ZFHX3: variants seen among roughly 807,000 people sequenced by gnomAD.
ZFHX3 encodes the protein zinc finger homeobox protein 3.
A neutral mutation model predicts 279.1 loss-of-function variants in ZFHX3; 42 were observed. The ratio of observed to expected loss-of-function variants is 0.15; its 90% CI spans 0.12 to 0.19. The LOEUF is 0.19. ZFHX3 is among the 10% of genes least tolerant of loss of function. The probability of loss-of-function intolerance (pLI) is 1.00; values close to 1 mark genes in which losing one functional copy is unlikely to be tolerated. For missense variants in ZFHX3, 4,981 were observed against 4,754.0 expected (o/e 1.05, Z -1.40); for synonymous variants, 2,293 against 1,957.8 (o/e 1.17, Z -4.52).
intron 1 of ZFHX3, among the ~76,000 whole-genome samples, chr16:73,009,192 C>A (rs1963824608): frequency 6.6e-6 from 1 of 152,070 alleles, no homozygotes; most frequent in South Asian, 2.1e-4. Context: ...CCCTTCCTTC[C>A]CACAAACTTT....
intron 4 of ZFHX3, among the ~76,000 whole-genome samples, chr16:72,884,840 A>T (rs2038583075): frequency 6.6e-6 from 1 of 152,208 alleles, no homozygotes; most frequent in Non-Finnish European, 1.5e-5. Context: ...CAGGGAAGCA[A>T]ATGGCAGATG....
chr16:73,183,491 T>G (rs1597208372), intron 5 of ZFHX3, among the ~76,000 whole-genome samples: 1 of 152,220 alleles, frequency 6.6e-6, no homozygotes, highest in Non-Finnish European at 1.5e-5. Flanking sequence ...TGTTTCTTTG[T>G]GTTTTCCCCC....
At chr16:73,061,417 T>C (rs1965682650), upstream of ZFHX3, 1 of 149,714 alleles carries the variant, frequency 6.7e-6, no homozygotes, top group Non-Finnish European at 1.5e-5. Flanking sequence ...ATTCCTACAG[T>C]CCAAACACAA....
At chr16:73,511,393 G>T (rs184204939) in intron 2 of ZFHX3, among the ~76,000 whole-genome samples, 2 of 152,288 alleles carry the variant, frequency 1.3e-5, no homozygotes, top group East Asian at 3.9e-4. Flanking sequence ...TTGGTGCCAG[G>T]CATGGTGAAA....
At chr16:73,003,442 C>G (rs1030909622) in intron 1 of ZFHX3, among the ~76,000 whole-genome samples, 1 of 151,714 alleles carries the variant, frequency 6.6e-6, no homozygotes, top group African/African-American at 2.4e-5. Context: ...AATCCCAGCA[C>G]TTTGGGAGGC....
intron 3 of ZFHX3, among the ~76,000 whole-genome samples, chr16:73,404,366 T>C (rs1223967839): frequency 6.6e-6 from 1 of 152,200 alleles, no homozygotes; most frequent in Non-Finnish European, 1.5e-5. Flanking sequence ...AAAGTGACCA[T>C]CTTTGAGTGC....
intron 1 of ZFHX3, among the ~76,000 whole-genome samples, chr16:73,721,935 C>T (rs1425488008): frequency 6.6e-6 from 1 of 152,154 alleles, no homozygotes; most frequent in Admixed American, 6.5e-5. Context: ...GTCCCAGCTA[C>T]TCGGGAGACT....
chr16:73,851,532 A>G (rs1441624323), intron 1 of ZFHX3, among the ~76,000 whole-genome samples: 1 of 152,234 alleles, frequency 6.6e-6, no homozygotes, highest in African/African-American at 2.4e-5. Flanking sequence ...AATAACTTCA[A>G]AAATTGCAGG....
intron 2 of ZFHX3, among the ~76,000 whole-genome samples, chr16:73,514,220 C>T (rs545118371): frequency 6.6e-6 from 1 of 152,006 alleles, no homozygotes; most frequent in South Asian, 2.1e-4. Context: ...TGCACCCCAG[C>T]CTGGGTGACA....
At chr16:72,868,850 T>TA (rs11410591) in intron 4 of ZFHX3, among the ~76,000 whole-genome samples, 87,512 of 151,998 alleles carry the variant, frequency 0.58, 25,437 homozygotes, top group Middle Eastern at 0.63. Flanking sequence ...CTATTGTACA[T>TA]ACAGCCTTGG....
At chr16:73,116,899 C>A (rs1177588412) in intron 7 of ZFHX3, among the ~76,000 whole-genome samples, 8 of 152,214 alleles carry the variant, frequency 5.3e-5, no homozygotes. Flanking sequence ...TCATCCTAGG[C>A]TGTCTCCCGG....
intron 2 of ZFHX3, among the ~76,000 whole-genome samples, chr16:73,463,619 TC>T (rs983889393): frequency 6.6e-6 from 1 of 152,214 alleles, no homozygotes; most frequent in Non-Finnish European, 1.5e-5. Context: ...CTGGACTTTT[TC>T]CCCGTCGAAC....
At chr16:73,440,058 C>T (rs2018063172) in intron 3 of ZFHX3, among the ~76,000 whole-genome samples, 1 of 151,420 alleles carries the variant, frequency 6.6e-6, no homozygotes, top group South Asian at 2.1e-4. Context: ...TACATGGGAA[C>T]TAAGTGAGGG....
chr16:73,640,342 T>C (rs2052562677), intron 2 of ZFHX3, among the ~76,000 whole-genome samples: 1 of 152,182 alleles, frequency 6.6e-6, no homozygotes, highest in African/African-American at 2.4e-5. Context: ...AACTTTTTAG[T>C]GCCTTGCTCT....
rs2144451890 is a variant in ZFHX3, at chr16:72,959,423, G to C, written c.723C>G (p.Asn241Lys). The C allele has an allele frequency of 6.2e-7, 1 of 1,614,230 alleles. No homozygotes were observed. The highest frequency in any genetic ancestry group is 1.3e-5 in the African/African-American group (1 of 75,082). Residue 241 changes from asparagine to lysine, a missense_variant, in exon 2 of 10, where the codon AAC becomes AAG. Asn to Lys is a moderately conservative substitution (Grantham distance 94, BLOSUM62 0). Coordinates refer to ENST00000268489, the MANE Select transcript of ZFHX3 (RefSeq NM_006885.4). ...AACCGTCGCTGTTCAGGTAATCCTTGTTGCTTTTGTGTCGCACGTCAAACA... is the reference window on the plus strand; with the variant it reads ...AACCGTCGCTGTTCAGGTAATCCTTCTTGCTTTTGTGTCGCACGTCAAACA... The part of the protein sequence containing the change: ...FRVFDVRHKS[N>K]KDYLNSDGSA...
chr16:73,115,067 G>C (rs2144802555), intron 7 of ZFHX3, among the ~76,000 whole-genome samples: 1 of 152,248 alleles, frequency 6.6e-6, no homozygotes, highest in East Asian at 1.9e-4. Context: ...TTCTTTGTTG[G>C]CCACCAGCAA....
chr16:72,973,987 A>G (rs76461226), intron 1 of ZFHX3, among the ~76,000 whole-genome samples: 4,324 of 152,318 alleles, frequency 0.028, 98 homozygotes, highest in Non-Finnish European at 0.045. Flanking sequence ...CTAGTTTAAT[A>G]GAAAGATGAG....
chr16:73,352,605 G>A lies in ZFHX3; in HGVS notation c.-1290-34269C>T, dbSNP rs191173119. Among the ~76,000 whole-genome samples, 21 of 150,004 alleles carry A rather than the reference G, an allele frequency of 1.4e-4. No homozygotes were observed. The Middle Eastern group carries it at 0.014, about 101-fold the overall frequency. On this transcript the variant is annotated intron_variant, in intron 3 of 17. Transcript: ENST00000641206. ...GGCAATCCTCCCATCCCAGTCTCTC[G>A]AGCAGCTGGGACTACAGGCATGTGC...
At chr16:73,310,251 A>AGGT (rs1370563486) in intron 4 of ZFHX3, among the ~76,000 whole-genome samples, 9 of 151,838 alleles carry the variant, frequency 5.9e-5, no homozygotes, top group South Asian at 4.2e-4. Flanking sequence ...AAACCATCTG[A>AGGT]GGTGGTGGTG....
Sources: gnomAD v4.1 joint callset for allele counts (sites outside exome capture counted in the v4.1 genomes callset) on GRCh38, gnomAD v4.1.1 for gene constraint, MANE v1.5 for transcripts, NCBI Gene and HGNC (gene_info 2026-07-23, HGNC 2026-07-21) for gene names.